CSMD1: variants seen among roughly 807,000 people sequenced by gnomAD.
CSMD1 encodes the protein CUB and sushi domain-containing protein 1.
A neutral mutation model predicts 417.5 loss-of-function variants in CSMD1; 213 were observed. The observed-to-expected ratio is 0.51, with a 90% confidence interval of 0.46 to 0.57. CSMD1 has a LOEUF of 0.57. Ranked by LOEUF, CSMD1 falls within the 20% of genes least tolerant of loss-of-function variation. The probability of loss-of-function intolerance (pLI) is 0.00; values close to 1 mark genes in which losing one functional copy is unlikely to be tolerated. For missense variants in CSMD1, 6,923 were observed against 4,529.7 expected (o/e 1.53, Z -15.17); for synonymous variants, 2,862 against 1,736.8 (o/e 1.65, Z -16.11).
intron 3 of CSMD1, among the ~76,000 whole-genome samples, chr8:4,115,960 ATTATTTTAT>A (rs1334123365): frequency 7.0e-6 from 1 of 141,874 alleles, no homozygotes; most frequent in Admixed American, 7.5e-5. Context: ...CAGGGTTTTC[ATTATTTTAT>A]TTATTTATTT....
At chr8:3,112,453 G>A (rs1017235421) in intron 42 of CSMD1, among the ~76,000 whole-genome samples, 9 of 152,130 alleles carry the variant, frequency 5.9e-5, no homozygotes, top group Non-Finnish European at 1.3e-4. Context: ...AAAGAAATGA[G>A]GTGGTGATTT....
In CSMD1 at chr8:3,108,713, A is replaced by C. The variant is rs1159313107; in HGVS notation, c.6644T>G (p.Val2215Gly). 4 of 1,613,176 alleles carry C rather than the reference A, an allele frequency of 2.5e-6. No individual in the cohort carries two copies. The highest frequency in any genetic ancestry group is 3.4e-6 in the Non-Finnish European group (4 of 1,179,588). ...GPDQNSPQLG[V>G]FSGNTALETA... is the part of the protein sequence containing the mutation. ...TTCGAGGGCTGTGTTGCCACTGAAA[A>C]CTCCCAGCTGGGGTGAGTTCTGATC... Residue 2215 changes from valine to glycine, a missense_variant, in exon 44 of 70, where the codon GTT becomes GGT. Transcript: ENST00000635120.
intron 1 of CSMD1, among the ~76,000 whole-genome samples, chr8:4,866,816 C>G (rs73503859): frequency 0.015 from 2,347 of 152,010 alleles, 27 homozygotes; most frequent in African/African-American, 0.022. Context: ...GATACAGGAT[C>G]CTTACCTTTT....
chr8:3,903,373 T>C (rs1807893263), intron 5 of CSMD1, among the ~76,000 whole-genome samples: 3 of 152,118 alleles, frequency 2.0e-5, no homozygotes, highest in African/African-American at 4.8e-5. Context: ...AACAAAACAA[T>C]TGCACTATGT....
At chr8:3,430,399 G>A (rs1415934687) in intron 12 of CSMD1, among the ~76,000 whole-genome samples, 1 of 152,004 alleles carries the variant, frequency 6.6e-6, no homozygotes, top group Non-Finnish European at 1.5e-5. Flanking sequence ...TCTGTCTTCT[G>A]TTTATTTTTT....
intron 2 of CSMD1, among the ~76,000 whole-genome samples, chr8:4,629,353 G>C (rs901051779): frequency 1.3e-5 from 2 of 152,148 alleles, no homozygotes; most frequent in African/African-American, 4.8e-5. Flanking sequence ...TGCCCATTCA[G>C]AATGGCGAGC....
chr8:4,667,015 T>G (rs1046404852), intron 1 of CSMD1, among the ~76,000 whole-genome samples: 1 of 152,306 alleles, frequency 6.6e-6, no homozygotes, highest in African/African-American at 2.4e-5. Flanking sequence ...TCATTTTGAG[T>G]TAACTTTTGT....
At chr8:4,519,902 T>C (rs1324890194) in intron 2 of CSMD1, among the ~76,000 whole-genome samples, 1 of 150,268 alleles carries the variant, frequency 6.7e-6, no homozygotes, top group East Asian at 2.0e-4. Flanking sequence ...AACAGTAATG[T>C]ATTCTCTTAC....
intron 2 of CSMD1, among the ~76,000 whole-genome samples, chr8:4,486,736 T>A (rs558724120): frequency 1.6e-4 from 25 of 152,244 alleles, no homozygotes; most frequent in Non-Finnish European, 2.9e-4. Context: ...TTCCCCTTCA[T>A]GGAAGAAAGC....
chr8:4,249,788 G>A (rs761324388), intron 3 of CSMD1, among the ~76,000 whole-genome samples: 56 of 152,248 alleles, frequency 3.7e-4, no homozygotes, highest in Admixed American at 1.4e-3. Flanking sequence ...TTGGGGAAAT[G>A]AAGAACACAG....
intron 1 of CSMD1, among the ~76,000 whole-genome samples, chr8:4,803,441 G>A (rs17071413): frequency 0.067 from 10,124 of 152,176 alleles, 551 homozygotes; most frequent in East Asian, 0.23. Context: ...TTATAGGAAG[G>A]GGTTTTGCAT....
intron 3 of CSMD1, among the ~76,000 whole-genome samples, chr8:4,063,114 G>C (rs917094957): frequency 1.3e-5 from 2 of 152,126 alleles, no homozygotes; most frequent in African/African-American, 2.4e-5. Flanking sequence ...GTTGACTATA[G>C]CTAATAATTT....
intron 1 of CSMD1, among the ~76,000 whole-genome samples, chr8:4,866,866 A>C (rs920849818): frequency 6.6e-6 from 1 of 151,954 alleles, no homozygotes; most frequent in African/African-American, 2.4e-5. Flanking sequence ...TTAATATAAA[A>C]CTTTTACATT....
chr8:4,014,424 G>C (rs56165800), intron 4 of CSMD1, among the ~76,000 whole-genome samples: 17,024 of 152,180 alleles, frequency 0.11, 1,132 homozygotes, highest in South Asian at 0.23. Context: ...TTCTCCAGGA[G>C]AATATAAATG....
intron 10 of CSMD1, among the ~76,000 whole-genome samples, chr8:3,561,543 T>A (rs929689462): frequency 2.0e-5 from 3 of 152,134 alleles, no homozygotes; most frequent in African/African-American, 7.2e-5. Flanking sequence ...ATACCACATG[T>A]TCTCGATTAT....
Position 4,086,672 on chromosome 8 carries a change from C to G in CSMD1, c.416-54573G>C, listed in dbSNP as rs564165307. 7.9e-5 allele frequency among the ~76,000 whole-genome samples: 12 copies of G among 152,312 alleles called. No homozygotes were observed. The South Asian group carries it at 2.3e-3, about 29-fold the overall frequency. ...ATTTCATTCTTTCTCATTCATTCATCAAGTATTTAAGCAACCTGAACTTCT... is the reference window on the plus strand; with the variant it reads ...ATTTCATTCTTTCTCATTCATTCATGAAGTATTTAAGCAACCTGAACTTCT... On this transcript the variant is annotated intron_variant, in intron 3 of 69. Transcript: ENST00000635120.
At chr8:3,342,402 G>C (rs961084160) in intron 23 of CSMD1, among the ~76,000 whole-genome samples, 23 of 152,158 alleles carry the variant, frequency 1.5e-4, no homozygotes, top group African/African-American at 5.1e-4. Context: ...AATTTCTAAT[G>C]TCATGGTGTT....
At chr8:4,222,328 T>A (rs1801079805) in intron 3 of CSMD1, among the ~76,000 whole-genome samples, 1 of 151,960 alleles carries the variant, frequency 6.6e-6, no homozygotes. Flanking sequence ...GGGGATACAG[T>A]AGGTATCAGT....
chr8:4,629,619 T>C (rs1259196505), intron 2 of CSMD1, among the ~76,000 whole-genome samples: 1 of 152,236 alleles, frequency 6.6e-6, no homozygotes, highest in Non-Finnish European at 1.5e-5. Context: ...CAGTTTTATA[T>C]GTGATTTCTA....
Sources: allele counts gnomAD v4.1 joint callset (sites outside exome capture counted in the v4.1 genomes callset), GRCh38; gene constraint gnomAD v4.1.1; transcripts MANE v1.5; gene names NCBI Gene and HGNC (gene_info 2026-07-23, HGNC 2026-07-21).